FBXO10: variants seen among roughly 807,000 people sequenced by gnomAD.
FBXO10 encodes the protein F-box only protein 10.
In FBXO10, 39 loss-of-function variants were observed where a neutral mutation model predicts 80.7. The observed-to-expected ratio is 0.48, with a 90% confidence interval of 0.37 to 0.63. The LOEUF is 0.63. Ranked by LOEUF, FBXO10 falls within the 30% of genes least tolerant of loss-of-function variation. The pLI is 0.00. For synonymous variants in FBXO10, 449 were observed against 489.6 expected, an observed-to-expected ratio of 0.92 and a Z score of 1.09; for missense variants, 1,025 against 1,269.0, an observed-to-expected ratio of 0.81 and a Z score of 2.92.
chr9:37,527,110 C>T (rs1821496985), intron 5 of FBXO10, among the ~76,000 whole-genome samples: 1 of 152,104 alleles, frequency 6.6e-6, no homozygotes, highest in Non-Finnish European at 1.5e-5. Flanking sequence ...CTCGGCCTCC[C>T]AAAGTGTTGG....
intron 1 of FBXO10, among the ~76,000 whole-genome samples, chr9:37,562,972 CTG>C (rs1822516235): frequency 6.8e-6 from 1 of 146,904 alleles, no homozygotes; most frequent in Non-Finnish European, 1.5e-5. Flanking sequence ...TATGGTTTGG[CTG>C]TGTCCCCACC....
At chr9:37,543,473 A>G (rs1821977024) in intron 1 of FBXO10, among the ~76,000 whole-genome samples, 1 of 152,152 alleles carries the variant, frequency 6.6e-6, no homozygotes, top group Middle Eastern at 3.2e-3. Flanking sequence ...GCCTCTGGTG[A>G]TCATTTTCCC....
intron 1 of FBXO10, among the ~76,000 whole-genome samples, chr9:37,563,853 A>G (rs1822540600): frequency 6.6e-6 from 1 of 152,268 alleles, no homozygotes; most frequent in Admixed American, 6.5e-5. Flanking sequence ...GTGATAGAAA[A>G]GAAAACCCCA....
chr9:37,576,005 G>A (rs910579070), intron 1 of FBXO10, among the ~76,000 whole-genome samples: 3 of 152,234 alleles, frequency 2.0e-5, no homozygotes, highest in African/African-American at 7.2e-5. Context: ...CTGAGCCTCC[G>A]GATGCCGGGG....
intron 8 of FBXO10, 26 bp from the exon 9 acceptor site, chr9:37,518,464 C>A: frequency 6.5e-7 from 1 of 1,542,254 alleles, no homozygotes; most frequent in Non-Finnish European, 8.7e-7. Flanking sequence ...TTGGAAAGCA[C>A]AGGGGGTCCC....
rs143814151 is a variant in FBXO10 at position 37,558,032 on chromosome 9, T to C, written c.-6-16258A>G. Among the ~76,000 whole-genome samples the C allele has an allele frequency of 4.9e-3, 748 of 152,348 alleles. 6 individuals carry two copies. The highest frequency in any genetic ancestry group is 0.017 in the African/African-American group (723 of 41,584). ...GACGTACTTGTTAGAATCTGTATTC[T>C]CATCGTCCCCACAGGCTGCTCTTGA... On this transcript the variant is annotated intron_variant, in intron 1 of 10. Coordinates refer to ENST00000432825, the MANE Select transcript of FBXO10 (RefSeq NM_012166.3).
chr9:37,564,316 G>A (rs1822553667), intron 1 of FBXO10, among the ~76,000 whole-genome samples: 2 of 152,262 alleles, frequency 1.3e-5, no homozygotes, highest in African/African-American at 4.8e-5. Flanking sequence ...AGCCCTCATG[G>A]AGAACACCTG....
chr9:37,557,695 A>G lies in FBXO10; in HGVS notation c.-6-15921T>C, dbSNP rs1400582811. Among the ~76,000 whole-genome samples, 5 of 152,204 alleles carry G rather than the reference A, an allele frequency of 3.3e-5. No individual in the cohort carries two copies. In the East Asian group the frequency reaches 7.7e-4, roughly 23 times the overall value. ...CTAGCTCAGATAATCTCCCTCCCAC[A>G]TAACAGCTTACATACTATGTCCCCA... On this transcript the variant is annotated intron_variant, in intron 1 of 10. Transcript: ENST00000432825.
At chr9:37,567,307 T>G (rs1822633508) in intron 1 of FBXO10, among the ~76,000 whole-genome samples, 1 of 145,398 alleles carries the variant, frequency 6.9e-6, no homozygotes, top group African/African-American at 2.6e-5. Flanking sequence ...CACACCCAGC[T>G]AAATTTTTTT....
chr9:37,561,446 T>C (rs1341493973), intron 1 of FBXO10, among the ~76,000 whole-genome samples: 1 of 152,166 alleles, frequency 6.6e-6, no homozygotes, highest in Non-Finnish European at 1.5e-5. Context: ...CTGGGCCACC[T>C]GGTGTCCCCA....
intron 1 of FBXO10, among the ~76,000 whole-genome samples, chr9:37,562,198 G>A (rs1007774366): frequency 6.6e-6 from 1 of 152,202 alleles, no homozygotes; most frequent in Non-Finnish European, 1.5e-5. Context: ...CTGGGGTCAG[G>A]AATAAAAACA....
chr9:37,545,054 G>C (rs1019495668), intron 1 of FBXO10, among the ~76,000 whole-genome samples: 1 of 151,576 alleles, frequency 6.6e-6, no homozygotes, highest in Non-Finnish European at 1.5e-5. Flanking sequence ...GCATAATAGG[G>C]GAAAGGCTGG....
Position 37,520,313 on chromosome 9 carries a change from C to CTTT in FBXO10, c.2200+1253_2200+1255dup, listed in dbSNP as rs11309075. 2.7e-3 allele frequency among the ~76,000 whole-genome samples: 298 copies of CTTT among 110,944 alleles called. 1 individual carries two copies. The highest frequency in any genetic ancestry group is 9.9e-3 in the African/African-American group (277 of 28,094). 72.8% of individuals were successfully genotyped at this position (110,944 alleles called of 152,430 possible). ...AGAAATATCAAACATCTTCTACCAT[C>CTTT]TTTTTTTTTTTTTTTTTTTTCCTTT... On this transcript the variant is annotated intron_variant, in intron 8 of 10. Coordinates refer to ENST00000432825, the MANE Select transcript of FBXO10 (RefSeq NM_012166.3).
Position 37,521,625 on chromosome 9 carries a change from A to G in FBXO10, c.2144T>C (p.Leu715Pro), listed in dbSNP as rs1181045750. The change falls in exon 8 of 11, where the codon CTG (leucine) becomes CCG (proline). Residue 715 changes from leucine (L) to proline (P), a missense_variant. By Grantham distance (98) the Leu-to-Pro change is moderately conservative. Around this residue, in one of 3 missense-constraint regions of FBXO10, gnomAD observed 478 missense variants for 667.8 expected, o/e 0.72. Coordinates refer to ENST00000432825, the MANE Select transcript of FBXO10 (RefSeq NM_012166.3). ...ETELEKEDDP[L>P]RRPITIALVE... is the part of the protein sequence containing the mutation. ...AAGAGCTATGGTGATGGGCCGGCGCAGTGGGTCGTCCTCCTTCTCCAGCTC... is the reference window on the plus strand; with the variant it reads ...AAGAGCTATGGTGATGGGCCGGCGCGGTGGGTCGTCCTCCTTCTCCAGCTC... The G allele has an allele frequency of 1.9e-6, 3 of 1,613,820 alleles. No homozygotes were observed. In the African/African-American group the frequency reaches 4.0e-5, roughly 22 times the overall value.
chr9:37,559,055 C>T (rs1416059670), intron 1 of FBXO10, among the ~76,000 whole-genome samples: 4 of 152,132 alleles, frequency 2.6e-5, no homozygotes, highest in African/African-American at 9.7e-5. Context: ...GTGATCCGCC[C>T]GCCTCGGCCT....
At chr9:37,517,494 G>A (rs10758436) in intron 9 of FBXO10, among the ~76,000 whole-genome samples, 151,947 of 152,052 alleles carry the variant, frequency 1, 75,921 homozygotes, top group Non-Finnish European at 1. Context: ...ACAAATAGGT[G>A]AAGGAAGAGA....
chr9:37,543,853 G>C (rs1330720092), intron 1 of FBXO10, among the ~76,000 whole-genome samples: 1 of 152,220 alleles, frequency 6.6e-6, no homozygotes, highest in Non-Finnish European at 1.5e-5. Flanking sequence ...ACTATGGCCG[G>C]ACATGGTGGC....
chr9:37,547,953 CA>C (rs1370098610), intron 1 of FBXO10, among the ~76,000 whole-genome samples: 1 of 151,970 alleles, frequency 6.6e-6, no homozygotes, highest in Non-Finnish European at 1.5e-5. Flanking sequence ...AACCCTGTCT[CA>C]AAAAACAAAC....
At chr9:37,525,645 G>A (rs1821451980) in intron 5 of FBXO10, among the ~76,000 whole-genome samples, 1 of 152,002 alleles carries the variant, frequency 6.6e-6, no homozygotes, top group African/African-American at 2.4e-5. Context: ...CACCTCCTGG[G>A]TTCAAGCGAT....
Sources: gnomAD v4.1 joint callset for allele counts (sites outside exome capture counted in the v4.1 genomes callset) on GRCh38, gnomAD v4.1.1 for gene constraint, gnomAD v4.1.1 regional missense constraint, MANE v1.5 for transcripts, NCBI Gene and HGNC (gene_info 2026-07-23, HGNC 2026-07-21) for gene names.